Variants in PRMT8 observed in about 807,000 individuals in gnomAD.
PRMT8 encodes protein arginine methyltransferase 8, also known as protein arginine N-methyltransferase 8.
In PRMT8, 7 loss-of-function variants were observed where a neutral mutation model predicts 47.1. That is an observed-to-expected ratio of 0.15 (90% CI 0.08 to 0.28). The LOEUF is 0.28. Among genes scored for constraint, PRMT8 ranks in the 10% least tolerant of loss-of-function variants. The pLI is 1.00. For synonymous variants in PRMT8, 188 were observed against 186.5 expected (o/e 1.01, Z -0.07); for missense variants, 237 against 505.4 (o/e 0.47, Z 5.09).
chr12:3,568,925 G>T lies in PRMT8; in HGVS notation c.624+77G>T, dbSNP rs1866789092. ...TCTACCCAAGGCCTGCAGCCTAGGA[G>T]GCATACGAAGACTTCAGAGAAGACT... On this transcript the variant is annotated intron_variant, in intron 5 of 9. Coordinates refer to ENST00000382622, the MANE Select transcript of PRMT8 (RefSeq NM_019854.5). 4 of 1,577,554 alleles carry T rather than the reference G, an allele frequency of 2.5e-6. No homozygotes were observed. In the Admixed American group the frequency reaches 6.9e-5, roughly 27 times the overall value.
At chr12:3,485,761 CTT>C (rs1865317059) in intron 1 of PRMT8, among the ~76,000 whole-genome samples, 3 of 152,102 alleles carry the variant, frequency 2.0e-5, no homozygotes, top group Admixed American at 6.5e-5. Context: ...TAACTTAGGT[CTT>C]ATATATATTT....
chr12:3,553,488 G>T lies in PRMT8; in HGVS notation c.418-163G>T, dbSNP rs139458080. The T allele has an allele frequency of 1.5e-3, 967 of 648,520 alleles. 5 individuals are homozygous for T. The African/African-American group carries it at 0.015, about 10-fold the overall frequency. 40.2% of individuals were successfully genotyped at this position (648,520 alleles called of 1,614,324 possible). Reference sequence around the variant, plus strand: ...CGTGGAAGGCCGCTGGCCTTGAGGTGGGGGGGCTGGGTTTCGGTTTTCAGT... The same window carrying T: ...CGTGGAAGGCCGCTGGCCTTGAGGTTGGGGGGCTGGGTTTCGGTTTTCAGT... On this transcript the variant is annotated intron_variant, in intron 3 of 9. Transcript: ENST00000382622.
intron 1 of PRMT8, among the ~76,000 whole-genome samples, chr12:3,469,571 G>A (rs1865138242): frequency 6.6e-6 from 1 of 152,150 alleles, no homozygotes; most frequent in Admixed American, 6.5e-5. Flanking sequence ...GTTAGGGGAA[G>A]GGAGAGTAAG....
intron 1 of PRMT8, among the ~76,000 whole-genome samples, chr12:3,468,062 G>GT (rs527839571): frequency 8.5e-5 from 13 of 152,232 alleles, no homozygotes; most frequent in Non-Finnish European, 1.5e-4. Context: ...GCTGAACCAA[G>GT]TTGGGTTTAT....
At chr12:3,442,986 T>C (rs1205904081) in intron 1 of PRMT8, among the ~76,000 whole-genome samples, 3 of 152,144 alleles carry the variant, frequency 2.0e-5, no homozygotes, top group African/African-American at 7.2e-5. Context: ...TCCATATCTA[T>C]TAAGAAAGAT....
At chr12:3,385,579 C>T (rs896502753) in intron 1 of PRMT8, among the ~76,000 whole-genome samples, 2 of 22,078 alleles carry the variant, frequency 9.1e-5, no homozygotes, top group African/African-American at 1.2e-4. Context: ...ATTAGATCAA[C>T]ACTTTATTAG....
chr12:3,438,309 T>C (rs1035667136), intron 1 of PRMT8, among the ~76,000 whole-genome samples: 3 of 152,216 alleles, frequency 2.0e-5, no homozygotes, highest in African/African-American at 7.2e-5. Flanking sequence ...CTGTCGCCCA[T>C]GTGGCTGGTG....
intron 1 of PRMT8, among the ~76,000 whole-genome samples, chr12:3,397,739 C>A (rs371401136): frequency 1.3e-5 from 2 of 152,180 alleles, no homozygotes; most frequent in Non-Finnish European, 2.9e-5. Context: ...TGGGCTCCCC[C>A]CAGTTCGTGC....
intron 1 of PRMT8, among the ~76,000 whole-genome samples, chr12:3,464,404 T>G (rs1364883377): frequency 1.3e-5 from 2 of 152,180 alleles, no homozygotes; most frequent in African/African-American, 4.8e-5. Context: ...TTCTTCAACT[T>G]GCTATATAAT....
intron 1 of PRMT8, among the ~76,000 whole-genome samples, chr12:3,465,713 A>G (rs73260046): frequency 0.015 from 2,231 of 152,260 alleles, 52 homozygotes; most frequent in African/African-American, 0.051. Context: ...TTGAAAACGA[A>G]CTTATAAGGT....
intron 1 of PRMT8, among the ~76,000 whole-genome samples, chr12:3,438,740 C>T (rs1222309075): frequency 6.6e-6 from 1 of 152,206 alleles, no homozygotes; most frequent in African/African-American, 2.4e-5. Context: ...AGACTGACTT[C>T]AGTCACTGGT....
Position 3,587,875 on chromosome 12 carries a change from C to G in PRMT8, c.980-4356C>G, listed in dbSNP as rs149741095. 5.3e-3 allele frequency among the ~76,000 whole-genome samples: 803 copies of G among 152,340 alleles called. 3 individuals are homozygous for G. The highest frequency in any genetic ancestry group is 0.018 in the African/African-American group (740 of 41,564). On this transcript the variant is annotated intron_variant, in intron 8 of 9. Coordinates refer to ENST00000382622, the MANE Select transcript of PRMT8 (RefSeq NM_019854.5). ...AAATGATCCCTTCTAATGACTCTGA[C>G]GTCTCTGCAGCTCCAGGCAGAAGCT...
Position 3,570,554 on chromosome 12 carries a change from T to G in PRMT8, c.712+990T>G, listed in dbSNP as rs1206152307. The stretch of plus-strand genomic sequence containing the variant: ...GATTACTGTGGAGGGGTTCACAGAT[T>G]GAGTAGAAGAATAAATGCCTCCAAG... On this transcript the variant is annotated intron_variant, in intron 6 of 9. Transcript: ENST00000382622. This position sits in a 1 kb window ranked among gnomAD's most constrained non-coding sequence, Gnocchi z 5.5. 6.6e-6 allele frequency among the ~76,000 whole-genome samples: 1 copy of G among 152,160 alleles called. No homozygotes were observed. The highest frequency in any genetic ancestry group is 1.5e-5 in the Non-Finnish European group (1 of 68,022).
At chr12:3,401,076 G>A (rs1864310091) in intron 1 of PRMT8, among the ~76,000 whole-genome samples, 1 of 150,842 alleles carries the variant, frequency 6.6e-6, no homozygotes, top group African/African-American at 2.4e-5. Context: ...GAACCTGGGA[G>A]GTGGAGGTTG....
At chr12:3,560,902 A>G (rs942198199) in intron 4 of PRMT8, among the ~76,000 whole-genome samples, 1 of 152,184 alleles carries the variant, frequency 6.6e-6, no homozygotes, top group African/African-American at 2.4e-5. Context: ...GGGCTCAGAG[A>G]CTGTGGAGGT....
chr12:3,471,917 C>G (rs887361), intron 1 of PRMT8, among the ~76,000 whole-genome samples: 12,471 of 151,832 alleles, frequency 0.082, 561 homozygotes, highest in Non-Finnish European at 0.1. Flanking sequence ...GGTAAGGTAG[C>G]GGGGTGAGGG....
At position 3,593,674 on chromosome 12, in the gene PRMT8, G is replaced by A. The variant is rs1038384913; in HGVS notation, c.*492G>A. On this transcript the variant is annotated 3_prime_UTR_variant, in exon 10 of 10. Transcript: ENST00000382622. This position sits in a 1 kb window ranked among gnomAD's most constrained non-coding sequence, Gnocchi z 4.8. Reference sequence around the variant, plus strand: ...AGTTGATATTTACCCACAAACACCTGTATATGCGTGCATATACAACCAAGT... The same window carrying A: ...AGTTGATATTTACCCACAAACACCTATATATGCGTGCATATACAACCAAGT... 3.3e-5 allele frequency: 6 copies of A among 180,016 alleles called. No homozygotes were observed. Among genetic ancestry groups the A allele is most frequent in the Non-Finnish European group, 6.9e-5 (6 of 87,346 alleles). The allele number at this position is 180,016 out of a possible 1,614,324, so 11.2% of individuals were successfully genotyped here.
At chr12:3,419,111 G>A (rs900939178) in intron 1 of PRMT8, among the ~76,000 whole-genome samples, 2 of 152,242 alleles carry the variant, frequency 1.3e-5, no homozygotes, top group East Asian at 1.9e-4. Flanking sequence ...TCAAATATTC[G>A]TCCATAAAAC....
At chr12:3,515,618 T>G (rs1228389699) in intron 1 of PRMT8, among the ~76,000 whole-genome samples, 1 of 152,222 alleles carries the variant, frequency 6.6e-6, no homozygotes, top group Non-Finnish European at 1.5e-5. Flanking sequence ...TCCAGGTGAT[T>G]GTGGACATGC....
Sources: gnomAD v4.1 joint callset for allele counts (sites outside exome capture counted in the v4.1 genomes callset) on GRCh38, gnomAD v4.1.1 for gene constraint, Gnocchi (gnomAD v3.1) non-coding constraint, MANE v1.5 for transcripts, NCBI Gene and HGNC (gene_info 2026-07-23, HGNC 2026-07-21) for gene names.